Variants in MYO10 observed in about 807,000 individuals in gnomAD.
MYO10 encodes the protein unconventional myosin-X.
In MYO10, 133 loss-of-function variants were observed where a neutral mutation model predicts 257.3. The observed-to-expected ratio is 0.52, with a 90% CI of 0.45 to 0.60. The LOEUF is 0.60. Among genes scored for constraint, MYO10 ranks in the 20% least tolerant of loss-of-function variants. The probability of loss-of-function intolerance (pLI) is 0.00; values close to 1 mark genes in which losing one functional copy is unlikely to be tolerated. For missense variants in MYO10, 2,399 were observed against 2,635.7 expected (o/e 0.91, Z 1.97); for synonymous variants, 1,104 against 1,028.6 (o/e 1.07, Z -1.40).
intron 19 of MYO10, among the ~76,000 whole-genome samples, chr5:16,724,615 G>T (rs1296762236): frequency 6.6e-6 from 1 of 151,980 alleles, no homozygotes; most frequent in Non-Finnish European, 1.5e-5. Flanking sequence ...GTTTCTATGG[G>T]GGTTCCACTG....
At position 16,677,454 on chromosome 5, in the gene MYO10, C is replaced by T. The variant is rs1378826675; in HGVS notation, c.4543-1300G>A. ...TTTTTGAGACGGAGTCTTGCTCTTT[C>T]GCCCAGGCCGGAGTGCAGTGGCGCT... On this transcript the variant is annotated intron_variant, in intron 33 of 40. Coordinates refer to ENST00000513610, the MANE Select transcript of MYO10 (RefSeq NM_012334.3). 1.0e-3 allele frequency among the ~76,000 whole-genome samples: 115 copies of T among 112,840 alleles called. 1 individual carries two copies. Among genetic ancestry groups the T allele is most frequent in the African/African-American group, 2.1e-3 (63 of 30,174 alleles). 74.0% of individuals were successfully genotyped at this position (112,840 alleles called of 152,430 possible).
chr5:16,843,476 A>G (rs1486220007), intron 2 of MYO10, among the ~76,000 whole-genome samples: 1 of 152,190 alleles, frequency 6.6e-6, no homozygotes, highest in African/African-American at 2.4e-5. Flanking sequence ...GAGCTTAAAA[A>G]TCTTGCCCAG....
At chr5:16,930,129 C>G (rs1746255074) in intron 1 of MYO10, among the ~76,000 whole-genome samples, 1 of 152,122 alleles carries the variant, frequency 6.6e-6, no homozygotes, top group South Asian at 2.1e-4. Flanking sequence ...GCATGTAAAG[C>G]CTCTAGCTAA....
intron 1 of MYO10, among the ~76,000 whole-genome samples, chr5:16,903,277 T>C (rs1745436327): frequency 6.6e-6 from 1 of 152,198 alleles, no homozygotes; most frequent in Admixed American, 6.5e-5. Context: ...TGGTAGCGCA[T>C]GCCTGTAATC....
At chr5:16,816,063 C>T (rs992880995) in intron 3 of MYO10, among the ~76,000 whole-genome samples, 7 of 147,040 alleles carry the variant, frequency 4.8e-5, no homozygotes, top group African/African-American at 7.5e-5. Flanking sequence ...AAAAAAAGGG[C>T]GGGGCACAGT....
intron 15 of MYO10, 69 bp downstream of exon 15, chr5:16,762,476 T>C (rs1158646374): frequency 8.0e-7 from 1 of 1,246,638 alleles, no homozygotes; most frequent in Non-Finnish European, 1.1e-6. Flanking sequence ...GACTGACATG[T>C]CTGGTGTGTA....
At chr5:16,782,850 ACGAGAGGCC>A (rs1170143449) in intron 5 of MYO10, among the ~76,000 whole-genome samples, 1 of 152,114 alleles carries the variant, frequency 6.6e-6, no homozygotes, top group Non-Finnish European at 1.5e-5. Context: ...TCTTCCACAC[ACGAGAGGCC>A]CGTTCTGCTC....
At chr5:16,744,885 G>A (rs1231838505) in intron 19 of MYO10, among the ~76,000 whole-genome samples, 2 of 152,136 alleles carry the variant, frequency 1.3e-5, no homozygotes, top group South Asian at 2.1e-4. Flanking sequence ...ATGCTCAGAG[G>A]CTGTTTACTG....
intron 2 of MYO10, among the ~76,000 whole-genome samples, chr5:16,826,196 T>C (rs1580045450): frequency 6.8e-6 from 1 of 146,844 alleles, no homozygotes; most frequent in Non-Finnish European, 1.5e-5. Flanking sequence ...CAAAAAAGAG[T>C]GGAATAAGAG....
chr5:16,785,413 T>C (rs1173385749), intron 4 of MYO10, among the ~76,000 whole-genome samples: 1 of 152,238 alleles, frequency 6.6e-6, no homozygotes. Flanking sequence ...ATATCTATAT[T>C]GACGCGACAG....
Position 16,731,779 on chromosome 5 carries a change from G to T in MYO10, c.1930-20534C>A, listed in dbSNP as rs149250465. On this transcript the variant is annotated intron_variant, in intron 19 of 40. Transcript: ENST00000513610. ...GCATGAAGCCCCAGGAGGTGACGGA[G>T]GCCACCAGCTTGGGATAGGGCGGCT... Among the ~76,000 whole-genome samples the T allele has an allele frequency of 3.2e-3, 480 of 152,344 alleles. 3 individuals are homozygous for T. Among genetic ancestry groups the T allele is most frequent in the African/African-American group, 0.011 (453 of 41,586 alleles).
At chr5:16,900,981 T>C (rs2562355) in intron 1 of MYO10, among the ~76,000 whole-genome samples, 150,932 of 152,290 alleles carry the variant, frequency 0.99, 74,798 homozygotes, top group East Asian at 1. Context: ...CTGAGGTGAT[T>C]CACCCACCTC....
At chr5:16,864,434 C>G (rs1040639594) in intron 2 of MYO10, among the ~76,000 whole-genome samples, 4 of 152,108 alleles carry the variant, frequency 2.6e-5, no homozygotes, top group Non-Finnish European at 5.9e-5. Context: ...CAGGTGGTGG[C>G]TCTTTGAAAG....
intron 2 of MYO10, among the ~76,000 whole-genome samples, chr5:16,859,797 A>AGGCC (rs1744059081): frequency 6.6e-6 from 1 of 152,172 alleles, no homozygotes; most frequent in Non-Finnish European, 1.5e-5. Flanking sequence ...GACCATGGCA[A>AGGCC]GGCCCTTCCA....
At chr5:16,674,252 G>A (rs1736616661) in intron 35 of MYO10, among the ~76,000 whole-genome samples, 1 of 152,148 alleles carries the variant, frequency 6.6e-6, no homozygotes, top group African/African-American at 2.4e-5. Flanking sequence ...TGGATCACCT[G>A]AGGTCAGAAG....
At chr5:16,730,437 T>C (rs1393896977) in intron 19 of MYO10, among the ~76,000 whole-genome samples, 1 of 152,014 alleles carries the variant, frequency 6.6e-6, no homozygotes, top group African/African-American at 2.4e-5. Flanking sequence ...GGAGGGAGGC[T>C]TATGGGGAAG....
intron 9 of MYO10, among the ~76,000 whole-genome samples, chr5:16,776,766 A>G (rs942097049): frequency 6.6e-6 from 1 of 152,226 alleles, no homozygotes; most frequent in Admixed American, 6.5e-5. Context: ...AACACAGAGT[A>G]CCAACGGAGT....
chr5:16,682,712 A>G (rs1218287298), intron 30 of MYO10, among the ~76,000 whole-genome samples: 2 of 152,202 alleles, frequency 1.3e-5, no homozygotes, highest in Non-Finnish European at 2.9e-5. Context: ...TAGGTGACAC[A>G]AAAATTTAAG....
intron 1 of MYO10, among the ~76,000 whole-genome samples, chr5:16,931,069 C>T (rs1746281852): frequency 6.6e-6 from 1 of 152,080 alleles, no homozygotes; most frequent in African/African-American, 2.4e-5. Flanking sequence ...GTCGGGAGTT[C>T]GAGACCAGCC....
Sources: gnomAD v4.1 joint callset for allele counts (sites outside exome capture counted in the v4.1 genomes callset) on GRCh38, gnomAD v4.1.1 for gene constraint, MANE v1.5 for transcripts, NCBI Gene and HGNC (gene_info 2026-07-23, HGNC 2026-07-21) for gene names.